The following GLIS3 variants were observed in gnomAD, a reference collection of about 807,000 sequenced individuals.
The protein encoded by GLIS3 is GLIS family zinc finger 3.
GLIS3 carries 53 observed loss-of-function variants against 78.6 expected under a neutral mutation model. That is an observed-to-expected ratio of 0.67 (90% CI 0.54 to 0.85). GLIS3 has a LOEUF of 0.85. Among genes scored for constraint, GLIS3 ranks in the 40% least tolerant of loss-of-function variants. The pLI, the probability that GLIS3 is intolerant of heterozygous loss-of-function variation, is 0.00. For synonymous variants in GLIS3, 684 were observed against 509.9 expected, an observed-to-expected ratio of 1.34 and a Z score of -4.60; for missense variants, 1,703 against 1,231.1, an observed-to-expected ratio of 1.38 and a Z score of -5.74.
the GLIS3 span, among the ~76,000 whole-genome samples, chr9:4,407,069 C>T: frequency 1.3e-5 from 2 of 152,176 alleles, no homozygotes; most frequent in Non-Finnish European, 2.9e-5. Flanking sequence ...GTAACTAAAA[C>T]AGCATGGTAA....
chr9:4,145,595 C>T (rs1834160702), intron 2 of GLIS3, among the ~76,000 whole-genome samples: 1 of 152,164 alleles, frequency 6.6e-6, no homozygotes, highest in Non-Finnish European at 1.5e-5. Flanking sequence ...GCCTAAGAGG[C>T]ATGAACACCG....
intron 2 of GLIS3, among the ~76,000 whole-genome samples, chr9:4,214,219 T>C (rs1031276194): frequency 6.6e-6 from 1 of 152,220 alleles, no homozygotes; most frequent in African/African-American, 2.4e-5. Context: ...TCTGATCATC[T>C]TGTCATAAAA....
intron 2 of GLIS3, among the ~76,000 whole-genome samples, chr9:4,142,739 A>G (rs1015363260): frequency 6.6e-6 from 1 of 152,238 alleles, no homozygotes; most frequent in African/African-American, 2.4e-5. Context: ...AAGTATTTCC[A>G]ATAAGGAAGA....
At chr9:4,078,685 G>A (rs1356613012) in intron 4 of GLIS3, among the ~76,000 whole-genome samples, 1 of 152,194 alleles carries the variant, frequency 6.6e-6, no homozygotes, top group South Asian at 2.1e-4. Flanking sequence ...TTAAGGACAG[G>A]TCAGCATTTT....
chr9:4,102,296 T>C (rs944131862), intron 4 of GLIS3, among the ~76,000 whole-genome samples: 1 of 152,216 alleles, frequency 6.6e-6, no homozygotes, highest in Non-Finnish European at 1.5e-5. Context: ...AAAGAGGTCA[T>C]GGTCAGGGTC....
chr9:4,072,602 C>T (rs984368226), intron 4 of GLIS3, among the ~76,000 whole-genome samples: 1 of 151,994 alleles, frequency 6.6e-6, no homozygotes, highest in Non-Finnish European at 1.5e-5. Context: ...AAAATGCATT[C>T]ACTGTAAATA....
chr9:4,259,890 G>A (rs933679831), intron 2 of GLIS3, among the ~76,000 whole-genome samples: 1 of 152,172 alleles, frequency 6.6e-6, no homozygotes, highest in South Asian at 2.1e-4. Context: ...CGGAGAAAAT[G>A]TGTTTTCAGG....
At chr9:4,445,588 T>C in the GLIS3 span, among the ~76,000 whole-genome samples, 4 of 152,292 alleles carry the variant, frequency 2.6e-5, no homozygotes, top group Non-Finnish European at 4.4e-5. Context: ...GAGCTATGAT[T>C]GCACCACTGC....
At chr9:4,357,561 C>CTGTGTGTGTGTGTGTG in the GLIS3 span, among the ~76,000 whole-genome samples, 31 of 147,762 alleles carry the variant, frequency 2.1e-4, no homozygotes, top group South Asian at 4.4e-3. Context: ...GAACTAATTC[C>CTGTGTGTGTGTGTGTG]TGTGTGTGTG....
rs77224865 is a variant in GLIS3 at position 4,153,693 on chromosome 9, G to C, written c.389-27752C>G. The stretch of plus-strand genomic sequence containing the variant: ...CATATTATTGCTTTACAAATGAGTG[G>C]ATGAAAAGAGATCAATAAATGGTAG... On this transcript the variant is annotated intron_variant, in intron 2 of 10. Coordinates refer to ENST00000381971, the MANE Select transcript of GLIS3 (RefSeq NM_001042413.2). 6.4e-3 allele frequency among the ~76,000 whole-genome samples: 970 copies of C among 152,250 alleles called. 14 individuals carry two copies. Among genetic ancestry groups the C allele is most frequent in the African/African-American group, 0.022 (912 of 41,524 alleles).
chr9:3,853,182 A>T (rs1819542532), intron 9 of GLIS3, among the ~76,000 whole-genome samples: 1 of 152,220 alleles, frequency 6.6e-6, no homozygotes, highest in African/African-American at 2.4e-5. Flanking sequence ...TCTAGCCTTG[A>T]GGACAGAGCA....
chr9:3,893,833 T>A (rs1822621267), intron 7 of GLIS3, among the ~76,000 whole-genome samples: 1 of 152,132 alleles, frequency 6.6e-6, no homozygotes, highest in African/African-American at 2.4e-5. Flanking sequence ...CCCAGCAAAC[T>A]GTATTTTCAC....
At chr9:4,166,712 C>T (rs1468722106) in intron 2 of GLIS3, among the ~76,000 whole-genome samples, 1 of 152,204 alleles carries the variant, frequency 6.6e-6, no homozygotes, top group Non-Finnish European at 1.5e-5. Context: ...TCCGTGGCTA[C>T]ACATAAAAGC....
the GLIS3 span, among the ~76,000 whole-genome samples, chr9:4,393,889 C>A: frequency 7.0e-4 from 106 of 151,770 alleles, no homozygotes; most frequent in African/African-American, 2.4e-3. Context: ...CTCTTTTTAC[C>A]GCCAGTAATA....
At chr9:4,236,184 CA>C (rs59839951) in intron 2 of GLIS3, among the ~76,000 whole-genome samples, 69 of 84,300 alleles carry the variant, frequency 8.2e-4, no homozygotes, top group Middle Eastern at 7.8e-3. Context: ...GTGGTTGTCA[CA>C]AAAAAAAAAA....
In GLIS3 at chr9:4,125,954, G is replaced by C. The variant is rs781525478; in HGVS notation, c.389-13C>G. On this transcript the variant is annotated splice_polypyrimidine_tract_variant and intron_variant, in intron 2 of 10. Coordinates refer to ENST00000381971, the MANE Select transcript of GLIS3 (RefSeq NM_001042413.2). ...AAGCCAAGAGCCCCTAAAAACAAATGAATCAGGTTAGCTTTCATGTCCCTT... is the reference window on the plus strand; with the variant it reads ...AAGCCAAGAGCCCCTAAAAACAAATCAATCAGGTTAGCTTTCATGTCCCTT... 2 of 1,606,598 alleles carry C rather than the reference G, an allele frequency of 1.2e-6. No homozygotes were observed. Among genetic ancestry groups the C allele is most frequent in the South Asian group, 1.1e-5 (1 of 90,922 alleles).
intron 4 of GLIS3, among the ~76,000 whole-genome samples, chr9:4,037,547 A>AACCCACACACACAC (rs1824428813): frequency 6.8e-6 from 1 of 147,380 alleles, no homozygotes; most frequent in African/African-American, 2.5e-5. Flanking sequence ...GTGTGCACAC[A>AACCCACACACACAC]ACACACACAC....
At chr9:3,901,465 G>A (rs1161236785) in intron 6 of GLIS3, among the ~76,000 whole-genome samples, 1 of 152,146 alleles carries the variant, frequency 6.6e-6, no homozygotes, top group South Asian at 2.1e-4. Flanking sequence ...CTACAAACAG[G>A]CTTTTTCCAT....
intron 7 of GLIS3, among the ~76,000 whole-genome samples, chr9:3,880,445 C>T (rs969850503): frequency 9.2e-5 from 14 of 152,172 alleles, no homozygotes; most frequent in Admixed American, 5.2e-4. Flanking sequence ...GGACCTACTC[C>T]GTAGACATCT....
Sources: gnomAD v4.1 joint callset for allele counts (sites outside exome capture counted in the v4.1 genomes callset) on GRCh38, gnomAD v4.1.1 for gene constraint, MANE v1.5 for transcripts, NCBI Gene and HGNC (gene_info 2026-07-23, HGNC 2026-07-21) for gene names.